Variants in CCDC175 observed in about 807,000 individuals in gnomAD.
CCDC175 encodes coiled-coil domain containing 175, also known as coiled-coil domain-containing protein 175.
A neutral mutation model predicts 114.6 loss-of-function variants in CCDC175; 100 were observed. The ratio of observed to expected loss-of-function variants is 0.87; its 90% CI spans 0.74 to 1.03. The LOEUF (loss-of-function observed/expected upper bound fraction) is 1.03. Among genes scored for constraint, CCDC175 ranks in the 50% least tolerant of loss-of-function variants. The pLI is 0.00. For missense variants in CCDC175, 880 were observed against 917.8 expected, an observed-to-expected ratio of 0.96 and a Z score of 0.53; for synonymous variants, 306 against 308.7, an observed-to-expected ratio of 0.99 and a Z score of 0.09.
intron 8 of CCDC175, among the ~76,000 whole-genome samples, chr14:59,550,792 G>T (rs4901939): frequency 6.6e-6 from 1 of 151,840 alleles, no homozygotes; most frequent in Non-Finnish European, 1.5e-5. Flanking sequence ...TATCCTGGCC[G>T]CACTGGCAGC....
intron 7 of CCDC175, among the ~76,000 whole-genome samples, chr14:59,557,973 G>A (rs538530946): frequency 4.6e-5 from 7 of 152,230 alleles, no homozygotes; most frequent in Admixed American, 3.3e-4. Flanking sequence ...TCCAAAGAAC[G>A]CAAAGTAGGA....
chr14:59,509,891 C>T (rs1023132326), intron 19 of CCDC175, among the ~76,000 whole-genome samples: 6 of 152,110 alleles, frequency 3.9e-5, no homozygotes, highest in African/African-American at 1.4e-4. Flanking sequence ...TAAAATTAAG[C>T]CTTGATAAGC....
chr14:59,574,173 A>G (rs1246406286), intron 2 of CCDC175, among the ~76,000 whole-genome samples: 1 of 152,234 alleles, frequency 6.6e-6, no homozygotes, highest in East Asian at 1.9e-4. Context: ...GTGTATAATT[A>G]TATAAAATAT....
At chr14:59,507,501 G>C (rs1406336184) in intron 19 of CCDC175, among the ~76,000 whole-genome samples, 1 of 152,224 alleles carries the variant, frequency 6.6e-6, no homozygotes, top group African/African-American at 2.4e-5. Context: ...GGCAGGACCT[G>C]CAGGGCTGCA....
At chr14:59,540,636 A>C (rs1194577067) in intron 11 of CCDC175, 39 bp downstream of exon 11, 1 of 1,507,802 alleles carries the variant, frequency 6.6e-7, no homozygotes. Flanking sequence ...GATAACACAA[A>C]ACACAAATAA....
intron 16 of CCDC175, among the ~76,000 whole-genome samples, chr14:59,524,564 A>C (rs1175367868): frequency 6.6e-6 from 1 of 152,212 alleles, no homozygotes; most frequent in East Asian, 1.9e-4. Context: ...GTTAAATTGA[A>C]AAAGACAGTT....
At chr14:59,514,683 C>T (rs1044644090) in intron 17 of CCDC175, among the ~76,000 whole-genome samples, 55 of 152,258 alleles carry the variant, frequency 3.6e-4, no homozygotes, top group Non-Finnish European at 6.9e-4. Flanking sequence ...ACCAAATCTA[C>T]GTCTGATTGG....
chr14:59,576,591 C>T, intron 1 of CCDC175, 28 bp downstream of exon 1: 1 of 1,401,474 alleles, frequency 7.1e-7, no homozygotes, highest in Non-Finnish European at 9.2e-7. Context: ...GAGGAGACGT[C>T]CCTTCCAGCG....
In CCDC175 at chr14:59,525,263, A is replaced by G; in HGVS notation, c.1995+19T>C. 7.1e-7 allele frequency: 1 copy of G among 1,418,394 alleles called. No individual in the cohort carries two copies. The highest frequency in any genetic ancestry group is 9.2e-7 in the Non-Finnish European group (1 of 1,091,440). 87.9% of individuals were successfully genotyped at this position (1,418,394 alleles called of 1,614,324 possible). The stretch of plus-strand genomic sequence containing the variant: ...ATTAATCAAAGCCATCATGAAAAGG[A>G]TGGTGCTCTTAAACTTACTTCTTTT... On this transcript the variant is annotated intron_variant, in intron 16 of 19. Coordinates refer to ENST00000537690, the MANE Select transcript of CCDC175 (RefSeq NM_001164399.2).
intron 17 of CCDC175, among the ~76,000 whole-genome samples, chr14:59,518,450 A>G (rs913241462): frequency 6.6e-6 from 1 of 152,234 alleles, no homozygotes; most frequent in Admixed American, 6.5e-5. Context: ...TCCAGAATCT[A>G]CAATGAACTC....
chr14:59,556,071 C>G (rs1895879548), intron 7 of CCDC175, among the ~76,000 whole-genome samples: 1 of 152,198 alleles, frequency 6.6e-6, no homozygotes, highest in Non-Finnish European at 1.5e-5. Flanking sequence ...ATGCCATCCC[C>G]ATTAAGCTAC....
chr14:59,535,990 T>G (rs1894372346), intron 13 of CCDC175, among the ~76,000 whole-genome samples: 1 of 152,210 alleles, frequency 6.6e-6, no homozygotes, highest in African/African-American at 2.4e-5. Context: ...AGTCCTCTTC[T>G]AACAGGCAAT....
At chr14:59,539,056 T>G (rs549322181) in intron 11 of CCDC175, among the ~76,000 whole-genome samples, 2 of 152,332 alleles carry the variant, frequency 1.3e-5, no homozygotes, top group South Asian at 4.1e-4. Flanking sequence ...AAGTTACATC[T>G]ACACTTCCAA....
At chr14:59,543,566 A>G (rs552467184) in intron 9 of CCDC175, 112 bp from the exon 10 acceptor site, 6 of 421,810 alleles carry the variant, frequency 1.4e-5, no homozygotes, top group Non-Finnish European at 2.5e-5. Context: ...TGCTACATAA[A>G]TTATTAAAAA....
At chr14:59,515,936 A>T (rs1405570388) in intron 17 of CCDC175, among the ~76,000 whole-genome samples, 1 of 152,194 alleles carries the variant, frequency 6.6e-6, no homozygotes, top group Non-Finnish European at 1.5e-5. Context: ...TCCTCAGCAA[A>T]TGTAAAAGAA....
chr14:59,576,805 C>A lies in CCDC175; in HGVS notation c.-30G>T. On this transcript the variant is annotated 5_prime_UTR_variant, in exon 1 of 20. Transcript: ENST00000537690. ...CCGCTCTACTTGAGCGCCTCCTAAG[C>A]CAGAGCCAAGGATTGCCGGTTGCCA... 7.1e-7 allele frequency: 1 copy of A among 1,403,444 alleles called. No homozygotes were observed. Among genetic ancestry groups the A allele is most frequent in the Non-Finnish European group, 9.2e-7 (1 of 1,087,676 alleles). 86.9% of individuals were successfully genotyped at this position (1,403,444 alleles called of 1,614,324 possible).
intron 17 of CCDC175, among the ~76,000 whole-genome samples, chr14:59,512,620 G>GC (rs1366033659): frequency 3.9e-5 from 6 of 152,122 alleles, no homozygotes; most frequent in Non-Finnish European, 1.5e-5. Flanking sequence ...TAATCATTAA[G>GC]CCTAAGGGTA....
intron 2 of CCDC175, among the ~76,000 whole-genome samples, chr14:59,574,413 T>C (rs1017847234): frequency 2.0e-5 from 3 of 152,220 alleles, no homozygotes; most frequent in African/African-American, 7.2e-5. Flanking sequence ...TTCTTCAACA[T>C]GTCTTTGATA....
At chr14:59,552,293 C>A (rs1183704530) in intron 7 of CCDC175, among the ~76,000 whole-genome samples, 1 of 152,212 alleles carries the variant, frequency 6.6e-6, no homozygotes, top group Non-Finnish European at 1.5e-5. Flanking sequence ...GATCAGGCAG[C>A]AACATTTGCT....
Sources: allele counts gnomAD v4.1 joint callset (sites outside exome capture counted in the v4.1 genomes callset), GRCh38; gene constraint gnomAD v4.1.1; transcripts MANE v1.5; gene names NCBI Gene and HGNC (gene_info 2026-07-23, HGNC 2026-07-21).